Variants in FABP7 observed in about 807,000 individuals in gnomAD.
FABP7 encodes fatty acid binding protein 7, also known as fatty acid-binding protein, brain.
A neutral mutation model predicts 14.2 loss-of-function variants in FABP7; 13 were observed. The observed-to-expected ratio is 0.91, with a 90% CI of 0.59 to 1.45. The LOEUF (loss-of-function observed/expected upper bound fraction) is 1.45. FABP7 is among the 40% of genes most tolerant of loss of function. FABP7 has a pLI of 0.00. For missense variants in FABP7, 149 were observed against 157.6 expected (o/e 0.95, Z 0.29); for synonymous variants, 49 against 51.4 (o/e 0.95, Z 0.20).
the FABP7 span, among the ~76,000 whole-genome samples, chr6:122,751,267 A>G: frequency 6.6e-6 from 1 of 152,196 alleles, no homozygotes. Context: ...GTGAGAATTA[A>G]GTGTGTTAAT....
intron 2 of FABP7, 183 bp downstream of exon 2, chr6:122,780,646 C>A: frequency 1.6e-6 from 1 of 643,826 alleles, no homozygotes; most frequent in Non-Finnish European, 2.6e-6. Flanking sequence ...TGGGTACTTG[C>A]TATAGCATAA....
chr6:122,767,773 A>AAG, the FABP7 span, among the ~76,000 whole-genome samples: 8 of 149,248 alleles, frequency 5.4e-5, no homozygotes, highest in Admixed American at 1.3e-4. Flanking sequence ...AAAAAAAAAG[A>AAG]AGAGAGAGAG....
At chr6:122,763,143 A>C in the FABP7 span, among the ~76,000 whole-genome samples, 1 of 152,244 alleles carries the variant, frequency 6.6e-6, no homozygotes, top group African/African-American at 2.4e-5. Context: ...AAACTATACT[A>C]TAAGGGTACA....
the FABP7 span, among the ~76,000 whole-genome samples, chr6:122,755,483 G>T: frequency 3.9e-3 from 533 of 137,956 alleles, 3 homozygotes; most frequent in African/African-American, 0.013. Flanking sequence ...TTTTGAGACG[G>T]AGTCTCGCTC....
intron 3 of FABP7, 158 bp from the exon 4 acceptor site, chr6:122,783,559 T>C (rs1300400821): frequency 1.0e-6 from 1 of 985,148 alleles, no homozygotes; most frequent in Non-Finnish European, 1.2e-6. Context: ...TATATCAATA[T>C]AGGGTCTCTT....
chr6:122,774,616 G>A, the FABP7 span, among the ~76,000 whole-genome samples: 5 of 151,822 alleles, frequency 3.3e-5, no homozygotes, highest in East Asian at 1.9e-4. Context: ...TAGAACAGTC[G>A]AGTGGCTTTT....
intron 3 of FABP7, chr6:122,781,423 T>A: frequency 3.5e-6 from 5 of 1,411,548 alleles, no homozygotes; most frequent in Non-Finnish European, 4.6e-6. Context: ...AAGAGAAAAA[T>A]TCATGTGTAG....
chr6:122,774,271 A>C, the FABP7 span, among the ~76,000 whole-genome samples: 1 of 147,980 alleles, frequency 6.8e-6, no homozygotes, highest in Non-Finnish European at 1.5e-5. Flanking sequence ...CTGAGGCAGG[A>C]GAATTGCTTG....
At chr6:122,758,521 CAATCA>C in the FABP7 span, among the ~76,000 whole-genome samples, 1 of 152,112 alleles carries the variant, frequency 6.6e-6, no homozygotes, top group Non-Finnish European at 1.5e-5. Context: ...AAGTTCTTGT[CAATCA>C]AATTCTAAGG....
chr6:122,758,861 G>T, the FABP7 span, among the ~76,000 whole-genome samples: 1 of 152,296 alleles, frequency 6.6e-6, no homozygotes, highest in African/African-American at 2.4e-5. Flanking sequence ...ATATCAGGTT[G>T]TCAAACTTTT....
upstream of FABP7, among the ~76,000 whole-genome samples, chr6:122,777,080 C>A (rs1780688263): frequency 6.6e-6 from 1 of 152,120 alleles, no homozygotes; most frequent in African/African-American, 2.4e-5. Flanking sequence ...TATTTCAGCA[C>A]TTGTGATCTA....
At chr6:122,750,329 TA>T in the FABP7 span, among the ~76,000 whole-genome samples, 1 of 152,154 alleles carries the variant, frequency 6.6e-6, no homozygotes, top group Non-Finnish European at 1.5e-5. Context: ...TTGCTACCAG[TA>T]GATCTTAAAA....
chr6:122,771,215 G>A, the FABP7 span, among the ~76,000 whole-genome samples: 2 of 152,128 alleles, frequency 1.3e-5, no homozygotes, highest in African/African-American at 2.4e-5. Flanking sequence ...CAGTTTATGC[G>A]GTGGTGTTCT....
At chr6:122,757,817 G>A in the FABP7 span, among the ~76,000 whole-genome samples, 107 of 152,178 alleles carry the variant, frequency 7.0e-4, 1 homozygote, top group African/African-American at 2.4e-3. Context: ...AGTCTGTTAA[G>A]GTGCCGGAAT....
At chr6:122,780,985 A>G (rs1780766795) in intron 2 of FABP7, 108 bp from the exon 3 acceptor site, 1 of 1,303,822 alleles carries the variant, frequency 7.7e-7, no homozygotes, top group Non-Finnish European at 1.0e-6. Flanking sequence ...TAATTAACTG[A>G]TCATGATTTA....
intron 3 of FABP7, chr6:122,782,399 GT>G (rs2115147058): frequency 6.7e-6 from 4 of 600,162 alleles, no homozygotes; most frequent in East Asian, 1.4e-4. Context: ...CATTGAGGTT[GT>G]TGGGCTTACA....
the FABP7 span, among the ~76,000 whole-genome samples, chr6:122,763,332 C>G: frequency 6.6e-6 from 1 of 152,068 alleles, no homozygotes; most frequent in Non-Finnish European, 1.5e-5. Context: ...AACTGGCTAG[C>G]CATATGTAGA....
the FABP7 span, among the ~76,000 whole-genome samples, chr6:122,772,092 T>C: frequency 2.0e-5 from 3 of 152,186 alleles, no homozygotes; most frequent in African/African-American, 7.2e-5. Flanking sequence ...TAGGATGACA[T>C]AACCATGGGG....
the FABP7 span, among the ~76,000 whole-genome samples, chr6:122,774,656 G>C: frequency 3.4e-3 from 518 of 151,984 alleles, 15 homozygotes; most frequent in East Asian, 0.051. Context: ...GTCCTAGCCA[G>C]GGCAATTAGA....
Sources: allele counts gnomAD v4.1 joint callset (sites outside exome capture counted in the v4.1 genomes callset), GRCh38; gene constraint gnomAD v4.1.1; transcripts MANE v1.5; gene names NCBI Gene and HGNC (gene_info 2026-07-23, HGNC 2026-07-21).